MCM9: variants seen among roughly 807,000 people sequenced by gnomAD.
MCM9 encodes minichromosome maintenance 9 homologous recombination repair factor.
MCM9 carries 55 observed loss-of-function variants against 72.8 expected under a neutral mutation model. The observed-to-expected ratio is 0.76, with a 90% CI of 0.61 to 0.95. MCM9 has a LOEUF of 0.95. Among genes scored for constraint, MCM9 ranks in the 40% least tolerant of loss-of-function variants. The probability of loss-of-function intolerance (pLI) is 0.00; values close to 1 mark genes in which losing one functional copy is unlikely to be tolerated. For synonymous variants in MCM9, 480 were observed against 503.4 expected (o/e 0.95, Z 0.62); for missense variants, 1,279 against 1,377.0 (o/e 0.93, Z 1.13).
At chr6:118,854,623 G>A (rs1776443190) in intron 9 of MCM9, among the ~76,000 whole-genome samples, 1 of 152,238 alleles carries the variant, frequency 6.6e-6, no homozygotes, top group African/African-American at 2.4e-5. Flanking sequence ...AGAGTGCTGG[G>A]ATTACAGGCG....
chr6:118,917,506 A>C, intron 6 of MCM9, 55 bp downstream of exon 6: 1 of 1,513,418 alleles, frequency 6.6e-7, no homozygotes, highest in Non-Finnish European at 9.2e-7. Context: ...CATCATATTT[A>C]ACCACTGAAT....
chr6:118,840,257 C>G (rs1192034838), intron 9 of MCM9, among the ~76,000 whole-genome samples: 5 of 151,982 alleles, frequency 3.3e-5, no homozygotes. Context: ...TGCTGAAGCC[C>G]TAACACCCAG....
In MCM9 at chr6:118,911,703, G is replaced by C; in HGVS notation, c.1097C>G (p.Ala366Gly). 1 of 1,613,678 alleles carries C rather than the reference G, an allele frequency of 6.2e-7. No homozygotes were observed. The part of the protein sequence containing the change: ...TGKSQFLKYA[A>G]KITPRSVLTT... ...CAGCACAGATCTTGGTGTAATCTTT[G>C]CTGCATATTTGAGGAACTGAGATTT... Residue 366 changes from alanine to glycine, a missense_variant, in exon 8 of 14, where the codon GCA becomes GGA. Ala to Gly is a moderately conservative substitution (Grantham distance 60). Transcript: ENST00000619706.
At chr6:118,884,595 T>A (rs1379964122) in intron 8 of MCM9, among the ~76,000 whole-genome samples, 1 of 152,012 alleles carries the variant, frequency 6.6e-6, no homozygotes, top group Non-Finnish European at 1.5e-5. Context: ...ACATTAAATG[T>A]GAATGGACTG....
chr6:118,816,398 C>A, intron 13 of MCM9, 104 bp from the exon 14 acceptor site: 1 of 959,122 alleles, frequency 1.0e-6, no homozygotes. Context: ...AGATTTAAGT[C>A]CCACATAATT....
At chr6:118,823,002 G>T (rs1208210269) in intron 13 of MCM9, among the ~76,000 whole-genome samples, 2 of 152,178 alleles carry the variant, frequency 1.3e-5, no homozygotes, top group Non-Finnish European at 2.9e-5. Context: ...AGAATGGTGT[G>T]CTGGCAGCAA....
chr6:118,857,446 C>T (rs1244146689), intron 8 of MCM9, among the ~76,000 whole-genome samples: 1 of 151,780 alleles, frequency 6.6e-6, no homozygotes, highest in Admixed American at 6.6e-5. Flanking sequence ...GGCAAGTTTC[C>T]TAATATATAC....
chr6:118,912,963 A>G lies in MCM9; in HGVS notation c.1030+332T>C, dbSNP rs570421144. On this transcript the variant is annotated intron_variant, in intron 7 of 13. Coordinates refer to ENST00000619706, the MANE Select transcript of MCM9 (RefSeq NM_017696.3). ...CTGACTGGAGACATTAAAATACACT[A>G]TTTCTAATCTTTTTCCTTTTGAAAA... 350 of 197,638 alleles carry G rather than the reference A, an allele frequency of 1.8e-3. 2 individuals are homozygous for G. The highest frequency in any genetic ancestry group is 2.9e-3 in the Non-Finnish European group (283 of 96,346). The allele number at this position is 197,638 out of a possible 1,614,324, so 12.2% of individuals were successfully genotyped here. A position where few individuals can be genotyped will look rare whatever the true frequency, so the allele number is the denominator to read the frequency against.
intron 9 of MCM9, among the ~76,000 whole-genome samples, chr6:118,833,822 A>T (rs1176425598): frequency 2.0e-5 from 3 of 152,132 alleles, no homozygotes; most frequent in Non-Finnish European, 2.9e-5. Context: ...ATAGAGTTTC[A>T]GTTTGCAAGA....
intron 9 of MCM9, among the ~76,000 whole-genome samples, chr6:118,838,232 G>A (rs977614147): frequency 8.1e-5 from 12 of 148,502 alleles, no homozygotes; most frequent in South Asian, 2.1e-4. Context: ...CAGCGATCTC[G>A]GCTCACTTCA....
chr6:118,859,320 A>G (rs1776762815), intron 8 of MCM9, among the ~76,000 whole-genome samples: 1 of 152,206 alleles, frequency 6.6e-6, no homozygotes, highest in Non-Finnish European at 1.5e-5. Flanking sequence ...AAGAAAGGAA[A>G]CACAGGAGAA....
chr6:118,913,130 G>A (rs1780675943), intron 7 of MCM9, 165 bp downstream of exon 7: 1 of 724,972 alleles, frequency 1.4e-6, no homozygotes. Flanking sequence ...AGTAGCTTCT[G>A]ATATACAGAT....
At chr6:118,843,641 CATATATAT>C (rs763509537) in intron 9 of MCM9, among the ~76,000 whole-genome samples, 1 of 66,274 alleles carries the variant, frequency 1.5e-5, no homozygotes, top group Non-Finnish European at 2.8e-5. Context: ...CAAAACAAAA[CATATATAT>C]ATATATGTGT....
intron 9 of MCM9, among the ~76,000 whole-genome samples, chr6:118,833,883 AATT>A (rs1774768129): frequency 6.6e-6 from 1 of 152,152 alleles, no homozygotes; most frequent in Non-Finnish European, 1.5e-5. Flanking sequence ...ACTTTTTAAA[AATT>A]ATTATTATAC....
In MCM9 at chr6:118,828,060, A is replaced by T. The variant is rs1362052524; in HGVS notation, c.1599T>A (p.Asn533Lys). ...CCACATCAGACAGTGTGGGCTGCAG[A>T]TTCCTTATGAGGCAGAAATAGGTTT... ...KMKTYFCLIR[N>K]LQPTLSDVGN... Residue 533 changes from asparagine (N) to lysine (K), a missense_variant, in exon 11 of 14, where the codon AAT becomes AAA. Transcript: ENST00000619706. 6.4e-7 allele frequency: 1 copy of T among 1,550,704 alleles called. No individual in the cohort carries two copies. The highest frequency in any genetic ancestry group is 2.0e-5 in the Admixed American group (1 of 51,000).
At chr6:118,839,139 T>C (rs1775178635) in intron 9 of MCM9, among the ~76,000 whole-genome samples, 1 of 152,028 alleles carries the variant, frequency 6.6e-6, no homozygotes, top group Non-Finnish European at 1.5e-5. Context: ...TTCTTTTTTC[T>C]CTAATCTCAT....
intron 8 of MCM9, among the ~76,000 whole-genome samples, chr6:118,898,339 AATT>A (rs987027973): frequency 3.9e-5 from 6 of 152,206 alleles, no homozygotes; most frequent in African/African-American, 1.4e-4. Flanking sequence ...CACAAATGCG[AATT>A]TATACCACTT....
At chr6:118,871,962 A>G (rs1184421995) in intron 8 of MCM9, among the ~76,000 whole-genome samples, 2 of 152,166 alleles carry the variant, frequency 1.3e-5, no homozygotes, top group Non-Finnish European at 2.9e-5. Context: ...GCATACCTTA[A>G]CAAATCTTAA....
At position 118,814,828 on chromosome 6, in the gene MCM9, G is replaced by C; in HGVS notation, c.3428C>G (p.Ser1143Ter). 6.7e-7 allele frequency: 1 copy of C among 1,492,892 alleles called. No individual in the cohort carries two copies. The highest frequency in any genetic ancestry group is 1.4e-5 in the African/African-American group (1 of 70,700). The allele number at this position is 1,492,892 out of a possible 1,614,324, so 92.5% of individuals were successfully genotyped here. The change falls in exon 14 of 14, where the codon TCA becomes TGA. Residue 1143 changes from serine to a stop codon, truncating the protein, a stop_gained. Transcript: ENST00000619706. LOFTEE classifies it high-confidence loss of function. The part of the protein sequence containing the change: ...CDWDEEMRKK[S>*] The stretch of plus-strand genomic sequence containing the variant: ...TGACCAGAAAGCTTTTCCCAACTAT[G>C]ACTTTTTTCTCATCTCTTCATCCCA...
Sources: allele counts gnomAD v4.1 joint callset (sites outside exome capture counted in the v4.1 genomes callset), GRCh38; gene constraint gnomAD v4.1.1; transcripts MANE v1.5; gene names NCBI Gene and HGNC (gene_info 2026-07-23, HGNC 2026-07-21).